Variants in STXBP6 observed in about 807,000 individuals in gnomAD.
STXBP6 encodes the protein syntaxin binding protein 6, also known as syntaxin-binding protein 6.
In STXBP6, 21 loss-of-function variants were observed where a neutral mutation model predicts 26.9. The ratio of observed to expected loss-of-function variants is 0.78; its 90% CI spans 0.55 to 1.12. The LOEUF (loss-of-function observed/expected upper bound fraction) is 1.12, where lower values mean the gene tolerates loss of function less well. Ranked by LOEUF, STXBP6 falls within the 50% of genes most tolerant of loss-of-function variation. The pLI, the probability that STXBP6 is intolerant of heterozygous loss-of-function variation, is 0.00. For synonymous variants in STXBP6, 97 were observed against 92.6 expected, an observed-to-expected ratio of 1.05 and a Z score of -0.27; for missense variants, 232 against 257.9, an observed-to-expected ratio of 0.90 and a Z score of 0.69.
chr14:24,835,048 T>C (rs745839809), intron 4 of STXBP6, among the ~76,000 whole-genome samples: 1 of 152,200 alleles, frequency 6.6e-6, no homozygotes, highest in African/African-American at 2.4e-5. Context: ...TACAGTTAGA[T>C]TGGTCATATG....
At chr14:24,847,811 T>C (rs1421571234) in intron 4 of STXBP6, among the ~76,000 whole-genome samples, 1 of 152,200 alleles carries the variant, frequency 6.6e-6, no homozygotes, top group Non-Finnish European at 1.5e-5. Context: ...TTATGTGCCC[T>C]GATCTCTGGC....
chr14:24,951,369 G>A (rs997641882), intron 2 of STXBP6, among the ~76,000 whole-genome samples: 40 of 106,642 alleles, frequency 3.8e-4, no homozygotes, highest in African/African-American at 1.0e-3. Flanking sequence ...GTGTAAAAGC[G>A]TTCCTATTTC....
At chr14:25,021,536 C>T (rs1372650579) in intron 1 of STXBP6, among the ~76,000 whole-genome samples, 1 of 152,110 alleles carries the variant, frequency 6.6e-6, no homozygotes, top group African/African-American at 2.4e-5. Context: ...TCTGGCTTGG[C>T]CCCATCACTC....
At chr14:24,882,140 G>A (rs1334072583) in intron 2 of STXBP6, among the ~76,000 whole-genome samples, 2 of 151,738 alleles carry the variant, frequency 1.3e-5, no homozygotes, top group Non-Finnish European at 2.9e-5. Context: ...AGCACTTTGG[G>A]AGGCCGAGGC....
chr14:24,987,264 A>T (rs2074356480), intron 1 of STXBP6, among the ~76,000 whole-genome samples: 1 of 125,454 alleles, frequency 8.0e-6, no homozygotes, highest in Non-Finnish European at 1.6e-5. Flanking sequence ...TTGGATGGTG[A>T]CAAGAAGTTT....
At chr14:24,934,890 A>G (rs2072542568) in intron 2 of STXBP6, among the ~76,000 whole-genome samples, 1 of 152,152 alleles carries the variant, frequency 6.6e-6, no homozygotes, top group Non-Finnish European at 1.5e-5. Context: ...GACACATTTT[A>G]AGAACCTTAA....
At chr14:24,900,265 A>C (rs2071165583) in intron 2 of STXBP6, among the ~76,000 whole-genome samples, 1 of 152,210 alleles carries the variant, frequency 6.6e-6, no homozygotes, top group African/African-American at 2.4e-5. Flanking sequence ...CAGTTCTATC[A>C]GAACCACGTT....
chr14:24,833,245 T>G (rs983830118), intron 4 of STXBP6, among the ~76,000 whole-genome samples: 2 of 152,294 alleles, frequency 1.3e-5, no homozygotes, highest in Admixed American at 6.5e-5. Flanking sequence ...TCTCCTCCCC[T>G]TTCATGAGCT....
intron 2 of STXBP6, among the ~76,000 whole-genome samples, chr14:24,927,817 A>G (rs898329334): frequency 6.6e-6 from 1 of 152,238 alleles, no homozygotes; most frequent in Non-Finnish European, 1.5e-5. Context: ...GTTAACCTTT[A>G]AAGTGAAAAT....
chr14:24,854,740 C>T (rs550528954), intron 4 of STXBP6, among the ~76,000 whole-genome samples: 2 of 152,170 alleles, frequency 1.3e-5, no homozygotes, highest in Admixed American at 1.3e-4. Flanking sequence ...ACTGGTGGCG[C>T]AGACATGATA....
intron 1 of STXBP6, among the ~76,000 whole-genome samples, chr14:24,989,037 T>A (rs2074401198): frequency 6.6e-6 from 1 of 152,204 alleles, no homozygotes; most frequent in Non-Finnish European, 1.5e-5. Flanking sequence ...CTCATGTATA[T>A]TTCTAAAAAT....
At chr14:24,917,690 A>G (rs960858483) in intron 2 of STXBP6, among the ~76,000 whole-genome samples, 5 of 152,278 alleles carry the variant, frequency 3.3e-5, no homozygotes, top group East Asian at 1.9e-4. Context: ...ATTACCTTGC[A>G]TTAGACAAAA....
chr14:25,022,226 T>G (rs563870055), intron 1 of STXBP6, among the ~76,000 whole-genome samples: 1 of 152,354 alleles, frequency 6.6e-6, no homozygotes, highest in South Asian at 2.1e-4. Flanking sequence ...GGCCAGTTTC[T>G]TTAACTGGAT....
chr14:24,967,414 T>C (rs753779273), intron 2 of STXBP6, among the ~76,000 whole-genome samples: 17 of 152,348 alleles, frequency 1.1e-4, no homozygotes, highest in Non-Finnish European at 2.1e-4. Flanking sequence ...CCAAACCTAC[T>C]GAACTAGAAA....
At chr14:24,925,246 C>T (rs9989227) in intron 2 of STXBP6, among the ~76,000 whole-genome samples, 27,424 of 152,166 alleles carry the variant, frequency 0.18, 2,588 homozygotes, top group East Asian at 0.25. Flanking sequence ...CCTTCTACTG[C>T]TCATTACAAG....
At chr14:24,920,487 A>G (rs1286631598) in intron 2 of STXBP6, among the ~76,000 whole-genome samples, 1 of 152,064 alleles carries the variant, frequency 6.6e-6, no homozygotes, top group Non-Finnish European at 1.5e-5. Context: ...CTTGCTGGCG[A>G]TAGTTTAGCC....
chr14:24,901,419 A>C (rs1469284056), intron 2 of STXBP6, among the ~76,000 whole-genome samples: 1 of 152,196 alleles, frequency 6.6e-6, no homozygotes, highest in East Asian at 1.9e-4. Context: ...TACACATTTC[A>C]AGCACAGTGT....
intron 2 of STXBP6, among the ~76,000 whole-genome samples, chr14:24,877,924 C>T (rs905714437): frequency 1.3e-5 from 2 of 152,106 alleles, no homozygotes; most frequent in African/African-American, 4.8e-5. Context: ...AGTGTGTAGT[C>T]AAGCTATGCT....
intron 2 of STXBP6, among the ~76,000 whole-genome samples, chr14:24,876,380 T>C (rs1161221726): frequency 6.6e-6 from 1 of 152,152 alleles, no homozygotes; most frequent in Non-Finnish European, 1.5e-5. Context: ...AAAGCAGAAC[T>C]CCAAACTTCC....
Sources: allele counts gnomAD v4.1 joint callset (sites outside exome capture counted in the v4.1 genomes callset), GRCh38; gene constraint gnomAD v4.1.1; transcripts MANE v1.5; gene names NCBI Gene and HGNC (gene_info 2026-07-23, HGNC 2026-07-21).